Variants in PPP2R3C observed in about 807,000 individuals in gnomAD.
The protein encoded by PPP2R3C is serine/threonine-protein phosphatase 2A regulatory subunit B'' subunit gamma.
Under a neutral mutation model 63.7 loss-of-function variants are expected in PPP2R3C, and 47 were observed. That is an observed-to-expected ratio of 0.74 (90% CI 0.58 to 0.94). The LOEUF (loss-of-function observed/expected upper bound fraction) is 0.94. Among genes scored for constraint, PPP2R3C ranks in the 40% least tolerant of loss-of-function variants. The probability of loss-of-function intolerance (pLI) is 0.00; values close to 1 mark genes in which losing one functional copy is unlikely to be tolerated. For missense variants in PPP2R3C, 421 were observed against 518.4 expected, an observed-to-expected ratio of 0.81 and a Z score of 1.82; for synonymous variants, 180 against 177.4, an observed-to-expected ratio of 1.01 and a Z score of -0.12.
At chr14:35,085,979 CA>C (rs2045580841) in intron 12 of PPP2R3C, 1 of 535,146 alleles carries the variant, frequency 1.9e-6, no homozygotes, top group South Asian at 2.5e-5. Context: ...TACCTACAAC[CA>C]CAAAATTTTA....
intron 1 of PPP2R3C, 98 bp from the exon 2 acceptor site, chr14:35,116,835 T>A (rs907610300): frequency 9.7e-7 from 1 of 1,032,442 alleles, no homozygotes; most frequent in East Asian, 3.2e-5. Context: ...ATTAAAATAG[T>A]TGCAGTGCCA....
chr14:35,097,704 G>C (rs2046042958), intron 7 of PPP2R3C, among the ~76,000 whole-genome samples: 1 of 152,024 alleles, frequency 6.6e-6, no homozygotes, highest in Non-Finnish European at 1.5e-5. Context: ...GGCTGGTCTT[G>C]AACACCTGAC....
At chr14:35,098,030 G>A (rs61989495) in intron 7 of PPP2R3C, among the ~76,000 whole-genome samples, 31,513 of 152,044 alleles carry the variant, frequency 0.21, 3,937 homozygotes, top group Non-Finnish European at 0.29. Flanking sequence ...GAAAATGAAT[G>A]AATCCATGTA....
In PPP2R3C at chr14:35,096,606, T is replaced by C; in HGVS notation, c.790A>G (p.Ser264Gly). The C allele has an allele frequency of 6.2e-7, 1 of 1,613,872 alleles. No individual in the cohort carries two copies. Among genetic ancestry groups the C allele is most frequent in the Non-Finnish European group, 8.5e-7 (1 of 1,179,890 alleles). The change falls in exon 9 of 13, where the codon AGT (serine) becomes GGT (glycine). Residue 264 changes from serine to glycine, a missense_variant. This residue lies in a region of PPP2R3C where 231 missense variants were observed against 264.8 expected (regional missense o/e 0.87). Coordinates refer to ENST00000261475, the MANE Select transcript of PPP2R3C (RefSeq NM_017917.4). ...ELRDEELSKE[S>G]QETNWFSAPS... ...GCAGAAAACCAATTTGTTTCTTGAC[T>C]CTCCTTGGACAGTTCCTCATCCCTT...
At chr14:35,086,624 A>C (rs2045605680) in intron 12 of PPP2R3C, 1 of 152,412 alleles carries the variant, frequency 6.6e-6, no homozygotes. Flanking sequence ...CAGCCTTCCA[A>C]GTAGCTGGGA....
chr14:35,122,240 C>T (rs1041927136), upstream of PPP2R3C: 6 of 448,412 alleles, frequency 1.3e-5, no homozygotes, highest in East Asian at 1.9e-4. Context: ...ATTTTAAAGG[C>T]CACGATAAGC....
chr14:35,105,508 A>C (rs1464401858), intron 6 of PPP2R3C, among the ~76,000 whole-genome samples: 1 of 151,960 alleles, frequency 6.6e-6, no homozygotes, highest in African/African-American at 2.4e-5. Flanking sequence ...TAAAGTTTGA[A>C]GAAAAAGAAT....
Position 35,110,632 on chromosome 14 carries a change from G to C in PPP2R3C, c.187-3C>G. The C allele has an allele frequency of 6.3e-7, 1 of 1,591,386 alleles. No individual in the cohort carries two copies. On this transcript the variant is annotated splice_region_variant and splice_polypyrimidine_tract_variant and intron_variant, in intron 2 of 12. Coordinates refer to ENST00000261475, the MANE Select transcript of PPP2R3C (RefSeq NM_017917.4). ...AAGACTTCATCTTCAGCAGGCAGCT[G>C]AAAATACAAGGTAAATTTCTACATG...
At chr14:35,101,838 A>G (rs1319212077) in intron 6 of PPP2R3C, 1 of 150,084 alleles carries the variant, frequency 6.7e-6, no homozygotes, top group African/African-American at 2.5e-5. Context: ...GTAATTGGCC[A>G]TTTCTGACTG....
intron 2 of PPP2R3C, among the ~76,000 whole-genome samples, chr14:35,111,926 C>T (rs1240848494): frequency 1.3e-5 from 2 of 152,226 alleles, no homozygotes; most frequent in Non-Finnish European, 2.9e-5. Flanking sequence ...TAATAAAACT[C>T]CTGTCTCCCA....
rs1031231491 is a variant in PPP2R3C, at chr14:35,090,071, A to G, written c.1113+999T>C. Among the ~76,000 whole-genome samples, 9 of 152,136 alleles carry G rather than the reference A, an allele frequency of 5.9e-5. No individual in the cohort carries two copies. The South Asian group carries it at 6.2e-4, about 11-fold the overall frequency. On this transcript the variant is annotated intron_variant, in intron 11 of 12. Transcript: ENST00000261475. ...AAATTGAGTGAAAGCTGATTTGACTAGATGTAAAATAAAAATATGTAAATA... is the reference window on the plus strand; with the variant it reads ...AAATTGAGTGAAAGCTGATTTGACTGGATGTAAAATAAAAATATGTAAATA...
chr14:35,122,000 T>C, upstream of PPP2R3C: 1 of 1,611,152 alleles, frequency 6.2e-7, no homozygotes. Context: ...TGCTGTTTCC[T>C]ACCTGCTCCA....
At chr14:35,095,851 CAAAAAAAAAAAA>C (rs59775301) in intron 9 of PPP2R3C, among the ~76,000 whole-genome samples, 2 of 41,132 alleles carry the variant, frequency 4.9e-5, no homozygotes, top group Non-Finnish European at 8.8e-5. Context: ...ACTCTATCTC[CAAAAAAAAAAAA>C]AAAAAAAAAA....
At chr14:35,110,092 A>T in intron 3 of PPP2R3C, 161 bp from the exon 4 acceptor site, 1 of 565,814 alleles carries the variant, frequency 1.8e-6, no homozygotes, top group Non-Finnish European at 3.1e-6. Context: ...AACAATAAAA[A>T]TAACATTTAT....
intron 1 of PPP2R3C, among the ~76,000 whole-genome samples, chr14:35,119,723 A>G: frequency 6.6e-6 from 1 of 152,156 alleles, no homozygotes; most frequent in East Asian, 1.9e-4. Flanking sequence ...ATGATCCAGC[A>G]GAAGGAAAAT....
At position 35,108,227 on chromosome 14, in the gene PPP2R3C, GA is replaced by G; in HGVS notation, c.413del (p.Phe138SerfsTer28). 1 of 1,571,362 alleles carries G rather than the reference GA, an allele frequency of 6.4e-7. No homozygotes were observed. The highest frequency in any genetic ancestry group is 1.2e-5 in the South Asian group (1 of 80,060). On this transcript the variant is annotated frameshift_variant, in exon 5 of 13. Transcript: ENST00000261475. LOFTEE classifies it high-confidence loss of function. Reference sequence around the variant, plus strand: ...GGAGTTTAGCAAAGACTTTTGCTGTGAAAAATTGCCTAAGAAAAGAAAATAA... The same window carrying G: ...GGAGTTTAGCAAAGACTTTTGCTGTGAAAATTGCCTAAGAAAAGAAAATAA... ...EKAGAKCKQFFTAKVFAKLLH... is the reference protein window; with the variant it reads ...EKAGAKCKQFXTAKVFAKLLH...
intron 11 of PPP2R3C, among the ~76,000 whole-genome samples, chr14:35,090,237 GTTTTT>G (rs34745484): frequency 1.7e-5 from 2 of 116,902 alleles, no homozygotes; most frequent in African/African-American, 3.2e-5. Flanking sequence ...GGTAGTTGTA[GTTTTT>G]TTTTTTTTTT....
At chr14:35,110,695 G>T (rs773318999) in intron 2 of PPP2R3C, 66 bp from the exon 3 acceptor site, 2 of 1,060,546 alleles carry the variant, frequency 1.9e-6, no homozygotes, top group South Asian at 1.4e-5. Context: ...AATGTATGTG[G>T]CCTCATAAAA....
At chr14:35,103,103 A>G (rs2046250409) in intron 6 of PPP2R3C, among the ~76,000 whole-genome samples, 1 of 152,118 alleles carries the variant, frequency 6.6e-6, no homozygotes, top group Non-Finnish European at 1.5e-5. Flanking sequence ...ATCCAGAATG[A>G]TCTTTTAAAA....
Sources: gnomAD v4.1 joint callset for allele counts (sites outside exome capture counted in the v4.1 genomes callset) on GRCh38, gnomAD v4.1.1 for gene constraint, gnomAD v4.1.1 regional missense constraint, MANE v1.5 for transcripts, NCBI Gene and HGNC (gene_info 2026-07-23, HGNC 2026-07-21) for gene names.